The following HEATR1 variants were observed in gnomAD, a reference collection of about 807,000 sequenced individuals.
HEATR1 encodes HEAT repeat-containing protein 1.
A neutral mutation model predicts 248.2 loss-of-function variants in HEATR1; 77 were observed. The ratio of observed to expected loss-of-function variants is 0.31; its 90% confidence interval spans 0.26 to 0.37. The LOEUF is 0.37. HEATR1 is among the 10% of genes least tolerant of loss of function. HEATR1 has a pLI of 1.00. For missense variants in HEATR1, 2,420 were observed against 2,504.9 expected (o/e 0.97, Z 0.72); for synonymous variants, 897 against 923.1 (o/e 0.97, Z 0.51).
chr1:236,586,391 C>G lies in HEATR1; in HGVS notation c.1777G>C (p.Asp593His). The change falls in exon 15 of 45, where the codon GAT becomes CAT. Residue 593 changes from aspartate (D) to histidine (H), a missense_variant. Transcript: ENST00000366582. ...ACAACCACCTGATTTGACAACTGAT[C>G]ATTTTCACTCAGTATCTCTTCTTTA... is the stretch of plus-strand genomic sequence containing the variant. ...LIKEEILSEN[D>H]QLSNQVVVCL... The G allele has an allele frequency of 6.2e-7, 1 of 1,613,328 alleles. No individual in the cohort carries two copies. The highest frequency in any genetic ancestry group is 8.5e-7 in the Non-Finnish European group (1 of 1,179,394).
rs763061670 is a variant in HEATR1, at chr1:236,596,045, CTAAA to C, written c.745-5_745-2del. 1.9e-6 allele frequency: 3 copies of C among 1,586,686 alleles called. No homozygotes were observed. Among genetic ancestry groups the C allele is most frequent in the Non-Finnish European group, 2.6e-6 (3 of 1,159,124 alleles). Reference sequence around the variant, plus strand: ...AATCTGGTAAAGATGATTTCAATCCCTAAATATTTTTTAAATATAAGGAAAAATG... The same window carrying C: ...AATCTGGTAAAGATGATTTCAATCCCTATTTTTTAAATATAAGGAAAAATG... On this transcript the variant is annotated splice_acceptor_variant and splice_polypyrimidine_tract_variant and intron_variant, in intron 6 of 44. Transcript: ENST00000366582. LOFTEE classifies it high-confidence loss of function.
At chr1:236,554,550 G>T in intron 42 of HEATR1, 48 bp downstream of exon 42, 1 of 1,578,746 alleles carries the variant, frequency 6.3e-7, no homozygotes, top group South Asian at 1.2e-5. Context: ...TGCCAAGCTC[G>T]AACAGTGATG....
Position 236,586,280 on chromosome 1 carries a change from T to C in HEATR1, c.1888A>G (p.Ile630Val). ...CTTAATAGAGGGTGCAGGGAGCAGATTCCTGATTTTGATAAATATATAGCA... is the reference window on the plus strand; with the variant it reads ...CTTAATAGAGGGTGCAGGGAGCAGACTCCTGATTTTGATAAATATATAGCA... ...KIAIYLSKSG[I>V]CSLHPLLRGW... The change falls in exon 15 of 45, where the codon ATC becomes GTC. Residue 630 changes from isoleucine to valine, a missense_variant. By Grantham distance (29) the Ile-to-Val change is conservative. Transcript: ENST00000366582. The C allele has an allele frequency of 6.2e-7, 1 of 1,613,238 alleles. No individual in the cohort carries two copies. Among genetic ancestry groups the C allele is most frequent in the Middle Eastern group, 1.7e-4 (1 of 5,756 alleles).
chr1:236,588,622 C>T (rs1487421994), intron 12 of HEATR1, among the ~76,000 whole-genome samples: 1 of 152,142 alleles, frequency 6.6e-6, no homozygotes, highest in Admixed American at 6.5e-5. Flanking sequence ...ACTACAAAGC[C>T]AGTCTGCCAA....
intron 12 of HEATR1, among the ~76,000 whole-genome samples, chr1:236,590,381 CAAACT>C (rs1329941465): frequency 3.9e-5 from 6 of 152,092 alleles, no homozygotes; most frequent in African/African-American, 1.2e-4. Context: ...CGTGTGCCAC[CAAACT>C]TGGCTAATTT....
chr1:236,562,731 G>A (rs1484472198), intron 32 of HEATR1, among the ~76,000 whole-genome samples: 1 of 144,266 alleles, frequency 6.9e-6, no homozygotes, highest in Non-Finnish European at 1.5e-5. Flanking sequence ...TTTAAATAGT[G>A]AGGCTTCTTC....
chr1:236,550,579 C>T lies in HEATR1; in HGVS notation c.*323G>A. ...AAGGCTTACAGTGCAAATGAGGCGT[C>T]AGCTTTGGGTGCTAAAATTAACAAG... On this transcript the variant is annotated 3_prime_UTR_variant, in exon 45 of 45. Transcript: ENST00000366582. 8.1e-6 allele frequency: 2 copies of T among 246,666 alleles called. No homozygotes were observed. Among genetic ancestry groups the T allele is most frequent in the Non-Finnish European group, 1.5e-5 (2 of 129,336 alleles). 15.3% of individuals were successfully genotyped at this position (246,666 alleles called of 1,614,324 possible). A position where few individuals can be genotyped will look rare whatever the true frequency, so the allele number is the denominator to read the frequency against.
rs544573351 is a variant in HEATR1 at position 236,570,264 on chromosome 1, C to G, written c.3948+1087G>C. On this transcript the variant is annotated intron_variant, in intron 28 of 44. Transcript: ENST00000366582. ...AGATCGCGCCACTGCACTCCAGCCT[C>G]GGCAACAGAGCGAGACTCCGTCTCA... Among the ~76,000 whole-genome samples, 202 of 152,158 alleles carry G rather than the reference C, an allele frequency of 1.3e-3. 3 individuals are homozygous for G. Among genetic ancestry groups the G allele is most frequent in the Non-Finnish European group, 1.2e-3 (83 of 68,002 alleles).
chr1:236,572,823 G>A lies in HEATR1; in HGVS notation c.3465C>T (p.Ser1155=), dbSNP rs113027033. The A allele has an allele frequency of 5.6e-5, 91 of 1,612,824 alleles. No individual in the cohort carries two copies. The African/African-American group carries it at 8.1e-4, about 14-fold the overall frequency. The change falls in exon 25 of 45, where the codon TCC becomes TCT. Residue 1155 remains serine (S), a synonymous_variant. Transcript: ENST00000366582. ...QTVSSVFKGI[S]VNAEQVRIEL... is the part of the protein sequence containing the mutation. ...CTATTCGGACTTGTTCAGCATTAAC[G>A]GAAATCTGAAATATTGAAGGAAGAA...
chr1:236,560,180 T>TA (rs755318309), intron 33 of HEATR1, among the ~76,000 whole-genome samples: 1 of 151,976 alleles, frequency 6.6e-6, no homozygotes, highest in Non-Finnish European at 1.5e-5. Flanking sequence ...TTCAGGGAGT[T>TA]ATGGCCCTAG....
In HEATR1 at chr1:236,597,891, G is replaced by C. The variant is rs1333345182; in HGVS notation, c.590C>G (p.Thr197Arg). The change falls in exon 5 of 45, where the codon ACA (threonine) becomes AGA (arginine). Residue 197 changes from threonine (T) to arginine (R), a missense_variant. Coordinates refer to ENST00000366582, the MANE Select transcript of HEATR1 (RefSeq NM_018072.6). ...CAGACTGCTCACCTTCACAGATTTTGTCACCAAACTGCAAATGAAATCCAT... is the reference window on the plus strand; with the variant it reads ...CAGACTGCTCACCTTCACAGATTTTCTCACCAAACTGCAAATGAAATCCAT... The part of the protein sequence containing the change: ...GFMDFICSLV[T>R]KSVKVFAEYP... 3 of 1,611,860 alleles carry C rather than the reference G, an allele frequency of 1.9e-6. No homozygotes were observed. The highest frequency in any genetic ancestry group is 2.5e-6 in the Non-Finnish European group (3 of 1,178,504).
intron 21 of HEATR1, 70 bp from the exon 22 acceptor site, chr1:236,576,447 G>T (rs566623742): frequency 1.8e-6 from 2 of 1,120,164 alleles, no homozygotes; most frequent in African/African-American, 1.6e-5. Context: ...TATTAATTAC[G>T]GAAGACTCTT....
chr1:236,564,773 C>T (rs2103129886), intron 31 of HEATR1, 112 bp from the exon 32 acceptor site: 2 of 1,011,158 alleles, frequency 2.0e-6, no homozygotes, highest in African/African-American at 3.2e-5. Flanking sequence ...AACATTTTCC[C>T]AGAGAAATGT....
chr1:236,553,632 C>A lies in HEATR1; in HGVS notation c.6186G>T (p.Trp2062Cys). The A allele has an allele frequency of 6.2e-7, 1 of 1,614,074 alleles. No homozygotes were observed. Among genetic ancestry groups the A allele is most frequent in the Non-Finnish European group, 8.5e-7 (1 of 1,180,000 alleles). Residue 2062 changes from tryptophan to cysteine, a missense_variant, in exon 43 of 45, where the codon TGG (tryptophan) becomes TGT (cysteine). Transcript: ENST00000366582. Reference protein sequence around the residue: ...FSVAMADDSLWKPLNYQILLK... With the variant: ...FSVAMADDSLCKPLNYQILLK... The stretch of plus-strand genomic sequence containing the variant: ...GCAGAATCTGGTAGTTCAGTGGTTT[C>A]CAAAGAGAGTCATCCGCCATGGCCA...
At chr1:236,573,731 T>C (rs1663492213) in intron 24 of HEATR1, among the ~76,000 whole-genome samples, 2 of 152,154 alleles carry the variant, frequency 1.3e-5, no homozygotes, top group South Asian at 4.1e-4. Flanking sequence ...CTTTGTATTA[T>C]TCTATATTCA....
intron 1 of HEATR1, 137 bp downstream of exon 1, chr1:236,604,285 A>C: frequency 1.9e-6 from 1 of 533,206 alleles, no homozygotes; most frequent in Non-Finnish European, 3.1e-6. Context: ...CAGCAGCGTT[A>C]ACAACTAATT....
At chr1:236,567,901 T>C (rs111934214) in intron 29 of HEATR1, among the ~76,000 whole-genome samples, 1,714 of 152,358 alleles carry the variant, frequency 0.011, 40 homozygotes, top group African/African-American at 0.039. Context: ...AACTTCCTGC[T>C]GCTTTCAGAA....
chr1:236,601,627 G>C (rs902779826), intron 3 of HEATR1, among the ~76,000 whole-genome samples: 2 of 151,792 alleles, frequency 1.3e-5, no homozygotes, highest in Admixed American at 6.6e-5. Flanking sequence ...GCAACAAAGT[G>C]AGACACTGTC....
rs1185152791 is a variant in HEATR1, at chr1:236,585,201, T to C, written c.2065A>G (p.Ser689Gly). The C allele has an allele frequency of 8.7e-6, 14 of 1,609,414 alleles. No individual in the cohort carries two copies. In the Middle Eastern group the frequency reaches 6.6e-4, roughly 76 times the overall value. Residue 689 changes from serine (S) to glycine (G), a missense_variant, in exon 17 of 45, where the codon AGC becomes GGC. By Grantham distance (56) the Ser-to-Gly change is moderately conservative. Coordinates refer to ENST00000366582, the MANE Select transcript of HEATR1 (RefSeq NM_018072.6). ...SMLKMVEDLI[S>G]VGEEESFNLK... The stretch of plus-strand genomic sequence containing the variant: ...TTAAAGGACTCCTCCTCACCCACGC[T>C]TATTAAATCCTCCACCTTGAAAAAT...
Sources: gnomAD v4.1 joint callset for allele counts (sites outside exome capture counted in the v4.1 genomes callset) on GRCh38, gnomAD v4.1.1 for gene constraint, MANE v1.5 for transcripts, NCBI Gene and HGNC (gene_info 2026-07-23, HGNC 2026-07-21) for gene names.